Variants in COG8 observed in about 807,000 individuals in gnomAD.
The protein encoded by COG8 is component of oligomeric golgi complex 8.
Under a neutral mutation model 46.5 loss-of-function variants are expected in COG8, and 45 were observed. The ratio of observed to expected loss-of-function variants is 0.97; its 90% CI spans 0.76 to 1.24. The LOEUF is 1.24. COG8 is among the 50% of genes most tolerant of loss of function. COG8 has a pLI of 0.00. For synonymous variants in COG8, 407 were observed against 347.8 expected, an observed-to-expected ratio of 1.17 and a Z score of -1.90; for missense variants, 793 against 820.8, an observed-to-expected ratio of 0.97 and a Z score of 0.41.
intron 1 of COG8, among the ~76,000 whole-genome samples, chr16:69,337,169 T>A (rs1224900277): frequency 6.6e-6 from 1 of 151,276 alleles, no homozygotes; most frequent in East Asian, 1.9e-4. Flanking sequence ...TAGTCCCAGC[T>A]ACTCAGGAGG....
intron 5 of COG8, chr16:69,330,331 G>A (rs1236625313): frequency 1.4e-6 from 2 of 1,455,108 alleles, no homozygotes; most frequent in Non-Finnish European, 9.0e-7. Context: ...GCTCCACCGG[G>A]GCCGCCACGC....
chr16:69,329,930 C>A (rs893608550), intron 5 of COG8: 2 of 1,451,080 alleles, frequency 1.4e-6, no homozygotes, highest in South Asian at 1.4e-5. Flanking sequence ...CACTTCTGCG[C>A]TCTCGCGGAG....
chr16:69,336,039 T>A (rs2012188834), intron 2 of COG8, among the ~76,000 whole-genome samples: 1 of 152,112 alleles, frequency 6.6e-6, no homozygotes, highest in Non-Finnish European at 1.5e-5. Context: ...TCTCTACTTG[T>A]TCTTCACACT....
At chr16:69,329,630 G>T (rs1206609177) in intron 5 of COG8, among the ~76,000 whole-genome samples, 1 of 152,248 alleles carries the variant, frequency 6.6e-6, no homozygotes, top group Non-Finnish European at 1.5e-5. Context: ...TACCACGGGG[G>T]AATGGCCTAG....
rs555436971 is a variant in COG8 at position 69,328,982 on chromosome 16, C to T, written c.*224G>A. The T allele has an allele frequency of 3.8e-5, 61 of 1,585,128 alleles. 1 individual carries two copies. In the South Asian group the frequency reaches 6.2e-4, roughly 16 times the overall value. Reference sequence around the variant, plus strand: ...GCCCAGCTCAAAGTGAAAGTGTTTGCGTCTTGGTATCCGGAATCCTCAGCC... The same window carrying T: ...GCCCAGCTCAAAGTGAAAGTGTTTGTGTCTTGGTATCCGGAATCCTCAGCC... On this transcript the variant is annotated 3_prime_UTR_variant, in exon 6 of 6. Transcript: ENST00000306875.
chr16:69,328,878 T>A lies in COG8; in HGVS notation c.*328A>T, dbSNP rs1236607668. The A allele has an allele frequency of 6.5e-6, 7 of 1,074,486 alleles. No homozygotes were observed. The highest frequency in any genetic ancestry group is 5.3e-6 in the Non-Finnish European group (4 of 758,294). The allele number at this position is 1,074,486 out of a possible 1,614,324, so 66.6% of individuals were successfully genotyped here. On this transcript the variant is annotated 3_prime_UTR_variant, in exon 6 of 6. Transcript: ENST00000306875. ...AGGGCAAACATTTCTGACATCTTCC[T>A]CCAGCTCAGTCTGCCATGCCTTGGC...
rs1003658686 is a variant in COG8 at position 69,327,319 on chromosome 16, C to G, written c.*1887G>C. The stretch of plus-strand genomic sequence containing the variant: ...AGTAGCTGTGATTACAGGCGCCTAC[C>G]AGCACACCCAGCTAATTTTCATATT... On this transcript the variant is annotated 3_prime_UTR_variant, in exon 6 of 6. Transcript: ENST00000306875. The G allele has an allele frequency of 2.0e-5, 3 of 152,112 alleles. No individual in the cohort carries two copies. Among genetic ancestry groups the G allele is most frequent in the Non-Finnish European group, 4.4e-5 (3 of 68,044 alleles). 9.4% of individuals were successfully genotyped at this position (152,112 alleles called of 1,614,324 possible).
In COG8 at chr16:69,332,929, T is replaced by C. The variant is rs1442654279; in HGVS notation, c.1414-47A>G. 11 of 1,604,322 alleles carry C rather than the reference T, an allele frequency of 6.9e-6. No individual in the cohort carries two copies. In the East Asian group the frequency reaches 8.9e-5, roughly 13 times the overall value. On this transcript the variant is annotated intron_variant, in intron 3 of 5. Coordinates refer to ENST00000306875, the MANE Select transcript of COG8 (RefSeq NM_032382.5). The stretch of plus-strand genomic sequence containing the variant: ...AATTACTGGGACAGCCTATCACCAC[T>C]GGGACAGCAGTGCATGAAACTAGGC...
intron 1 of COG8, among the ~76,000 whole-genome samples, chr16:69,337,719 A>T (rs1353359948): frequency 6.6e-6 from 1 of 151,332 alleles, no homozygotes; most frequent in Admixed American, 6.6e-5. Flanking sequence ...GAGACAGAAT[A>T]TGACTCACAA....
Position 69,334,589 on chromosome 16 carries a change from G to C in COG8, c.1345C>G (p.Leu449Val), listed in dbSNP as rs2012078397. The change falls in exon 3 of 6, where the codon CTG (leucine) becomes GTG (valine). Residue 449 changes from leucine to valine, a missense_variant. Physicochemically the swap from Leu to Val is conservative, Grantham distance 32. Coordinates refer to ENST00000306875, the MANE Select transcript of COG8 (RefSeq NM_032382.5). ...AGGGCCACAGGGCAGCAGAGGCGCA[G>C]ATCATTGAAGGCAACCAGAATATTG... Reference protein sequence around the residue: ...LNNILVAFNDLRLCCPVALAQ... With the variant: ...LNNILVAFNDVRLCCPVALAQ... 6.2e-7 allele frequency: 1 copy of C among 1,614,222 alleles called. No individual in the cohort carries two copies. Among genetic ancestry groups the C allele is most frequent in the Non-Finnish European group, 8.5e-7 (1 of 1,180,050 alleles).
chr16:69,337,384 G>T lies in COG8; in HGVS notation c.378-672C>A, dbSNP rs74604324. Among the ~76,000 whole-genome samples the T allele has an allele frequency of 4.2e-3, 645 of 151,996 alleles. 8 individuals carry two copies. The highest frequency in any genetic ancestry group is 8.0e-3 in the Non-Finnish European group (547 of 67,994). On this transcript the variant is annotated intron_variant, in intron 1 of 5. Transcript: ENST00000306875. The stretch of plus-strand genomic sequence containing the variant: ...TTTAACATAGAACTTGAAACAGAGC[G>T]AATGCGTCAAAGTAAAAATAGTAAA...
chr16:69,334,704 G>T lies in COG8; in HGVS notation c.1230C>A (p.Asn410Lys), dbSNP rs774299740. 1 of 1,614,214 alleles carries T rather than the reference G, an allele frequency of 6.2e-7. No homozygotes were observed. The highest frequency in any genetic ancestry group is 1.3e-5 in the African/African-American group (1 of 75,078). ...GGGTGGCTGGCACAGCAGCAGGCAT[G>T]TTACTGGTGCCCAGGATGGCTGGAG... ...ISAPAILGTS[N>K]MPAAVPATQP... is the part of the protein sequence containing the mutation. The change falls in exon 3 of 6, where the codon AAC (asparagine) becomes AAA (lysine). Residue 410 changes from asparagine (N) to lysine (K), a missense_variant. Coordinates refer to ENST00000306875, the MANE Select transcript of COG8 (RefSeq NM_032382.5).
Position 69,334,514 on chromosome 16 carries a change from T to G in COG8, c.1413+7A>C. The stretch of plus-strand genomic sequence containing the variant: ...AGGGTAGCAGAAAACCAACAGAATG[T>G]GCTCACCTTGGCAAGGGCATCTTCC... On this transcript the variant is annotated splice_region_variant and intron_variant, in intron 3 of 5. Coordinates refer to ENST00000306875, the MANE Select transcript of COG8 (RefSeq NM_032382.5). 1 of 1,613,298 alleles carries G rather than the reference T, an allele frequency of 6.2e-7. No homozygotes were observed. The highest frequency in any genetic ancestry group is 8.5e-7 in the Non-Finnish European group (1 of 1,179,352).
Position 69,335,368 on chromosome 16 carries a change from G to C in COG8, c.586-20C>G, listed in dbSNP as rs376403959. On this transcript the variant is annotated intron_variant, in intron 2 of 5. Transcript: ENST00000306875. ...GATGCCCTGACAATACACAGAGAGA[G>C]TCACACTGCGCTGGGAAGGATGCTC... 9.0e-6 allele frequency: 14 copies of C among 1,559,890 alleles called. No individual in the cohort carries two copies. Among genetic ancestry groups the C allele is most frequent in the Non-Finnish European group, 1.2e-5 (14 of 1,155,638 alleles).
intron 5 of COG8, chr16:69,330,423 G>A: frequency 6.8e-7 from 1 of 1,476,254 alleles, no homozygotes; most frequent in South Asian, 1.3e-5. Flanking sequence ...CTCAGGTGGC[G>A]CCAATAGGAG....
In COG8 at chr16:69,328,651, GAC is replaced by G. The variant is rs1965675115; in HGVS notation, c.*553_*554del. 1 of 208,412 alleles carries G rather than the reference GAC, an allele frequency of 4.8e-6. No homozygotes were observed. Among genetic ancestry groups the G allele is most frequent in the African/African-American group, 2.4e-5 (1 of 42,336 alleles). The allele number at this position is 208,412 out of a possible 1,614,324, so 12.9% of individuals were successfully genotyped here. Reference sequence around the variant, plus strand: ...TCACATGCTTACCTGCATTTTTAAAGACAGCTTTCAGGTATTTGGGGACTACA... The same window carrying G: ...TCACATGCTTACCTGCATTTTTAAAGAGCTTTCAGGTATTTGGGGACTACA... On this transcript the variant is annotated 3_prime_UTR_variant, in exon 6 of 6. Coordinates refer to ENST00000306875, the MANE Select transcript of COG8 (RefSeq NM_032382.5).
chr16:69,335,261 A>C lies in COG8; in HGVS notation c.673T>G (p.Cys225Gly), dbSNP rs761059594. The change falls in exon 3 of 6, where the codon TGC (cysteine) becomes GGC (glycine). Residue 225 changes from cysteine to glycine, a missense_variant. Coordinates refer to ENST00000306875, the MANE Select transcript of COG8 (RefSeq NM_032382.5). ...QLRTNIQLPA[C>G]LRVIGYLRRM... is the part of the protein sequence containing the mutation. ...CGCAGGTAGCCAATGACACGGAGGC[A>C]GGCAGGAAGCTGGATGTTGGTCCTC... The C allele has an allele frequency of 1.2e-5, 19 of 1,613,654 alleles. No individual in the cohort carries two copies. The highest frequency in any genetic ancestry group is 1.5e-5 in the Non-Finnish European group (18 of 1,179,940).
chr16:69,330,073 G>A (rs1410183249), intron 5 of COG8: 5 of 1,565,594 alleles, frequency 3.2e-6, no homozygotes, highest in Non-Finnish European at 4.3e-6. Flanking sequence ...CGGGAAAGGT[G>A]ACCAGGCGGC....
chr16:69,338,428 G>C (rs1478679253), intron 1 of COG8: 1 of 152,214 alleles, frequency 6.6e-6, no homozygotes, highest in Non-Finnish European at 1.5e-5. Flanking sequence ...TCACCTTCCC[G>C]TCAATGGAAG....
Sources: allele counts gnomAD v4.1 joint callset (sites outside exome capture counted in the v4.1 genomes callset), GRCh38; gene constraint gnomAD v4.1.1; transcripts MANE v1.5; gene names NCBI Gene and HGNC (gene_info 2026-07-23, HGNC 2026-07-21).